Variants in CCDC102B observed in about 807,000 individuals in gnomAD.
The protein encoded by CCDC102B is coiled-coil domain-containing protein 102B.
In CCDC102B, 75 loss-of-function variants were observed where a neutral mutation model predicts 57.4. The observed-to-expected ratio is 1.31, with a 90% CI of 1.08 to 1.58. The LOEUF (loss-of-function observed/expected upper bound fraction) is 1.58, where lower values mean the gene tolerates loss of function less well. Among genes scored for constraint, CCDC102B ranks in the 40% most tolerant of loss-of-function variants. The probability of loss-of-function intolerance (pLI) is 0.00; values close to 1 mark genes in which losing one functional copy is unlikely to be tolerated. For synonymous variants in CCDC102B, 206 were observed against 201.9 expected (o/e 1.02, Z -0.17); for missense variants, 636 against 582.6 (o/e 1.09, Z -0.94).
intron 3 of CCDC102B, among the ~76,000 whole-genome samples, chr18:68,840,997 C>A (rs2037602909): frequency 2.0e-5 from 3 of 152,154 alleles, no homozygotes; most frequent in Admixed American, 2.0e-4. Context: ...TTCCTACTCT[C>A]CTCTTTTAAG....
intron 2 of CCDC102B, among the ~76,000 whole-genome samples, chr18:68,728,489 A>G (rs1332224782): frequency 6.6e-6 from 1 of 152,188 alleles, no homozygotes; most frequent in Admixed American, 6.5e-5. Flanking sequence ...GTCAAGGTGA[A>G]GCTTTCAGAC....
intron 6 of CCDC102B, among the ~76,000 whole-genome samples, chr18:68,963,796 T>C (rs1029975248): frequency 1.8e-4 from 28 of 151,912 alleles, no homozygotes; most frequent in African/African-American, 6.8e-4. Flanking sequence ...ACTATGTATA[T>C]GTGTATATAT....
At chr18:68,771,914 T>C (rs959106463) in intron 2 of CCDC102B, among the ~76,000 whole-genome samples, 1 of 130,086 alleles carries the variant, frequency 7.7e-6, no homozygotes, top group East Asian at 2.2e-4. Context: ...ACACATCTTC[T>C]GGAAATAAAG....
intron 1 of CCDC102B, among the ~76,000 whole-genome samples, chr18:68,832,511 G>C (rs1389237656): frequency 6.6e-6 from 1 of 152,054 alleles, no homozygotes; most frequent in Admixed American, 6.6e-5. Context: ...GTTGTGCTGT[G>C]TTTTGTTTTG....
chr18:68,793,235 T>G (rs1401000123), upstream of CCDC102B, among the ~76,000 whole-genome samples: 1 of 152,172 alleles, frequency 6.6e-6, no homozygotes, highest in Admixed American at 6.5e-5. Context: ...CATTGTAACA[T>G]GTTGTTTTAG....
Position 69,035,015 on chromosome 18 carries a change from A to G in CCDC102B, c.1435-19015A>G, listed in dbSNP as rs530016930. Among the ~76,000 whole-genome samples the G allele has an allele frequency of 3.4e-3, 514 of 152,096 alleles. 4 individuals are homozygous for G. The highest frequency in any genetic ancestry group is 0.011 in the African/African-American group (472 of 41,552). On this transcript the variant is annotated intron_variant, in intron 7 of 7. Coordinates refer to ENST00000360242, the MANE Select transcript of CCDC102B (RefSeq NM_024781.3). ...GTGTCATTCCATATAGAATTACTCAATTATACTAATTTATTTATAAGCAAG... is the reference window on the plus strand; with the variant it reads ...GTGTCATTCCATATAGAATTACTCAGTTATACTAATTTATTTATAAGCAAG...
At chr18:68,996,808 G>A (rs577382708) in intron 6 of CCDC102B, among the ~76,000 whole-genome samples, 2 of 152,190 alleles carry the variant, frequency 1.3e-5, no homozygotes, top group South Asian at 4.1e-4. Context: ...GGGGAAGCTT[G>A]GGAAGGCATG....
chr18:69,003,500 G>C (rs2051260281), intron 6 of CCDC102B, among the ~76,000 whole-genome samples: 1 of 152,166 alleles, frequency 6.6e-6, no homozygotes, highest in African/African-American at 2.4e-5. Flanking sequence ...GCAAAGGACA[G>C]AGGGCACATA....
At chr18:69,017,170 C>T (rs926240062) in intron 7 of CCDC102B, among the ~76,000 whole-genome samples, 2 of 152,110 alleles carry the variant, frequency 1.3e-5, no homozygotes, top group African/African-American at 4.8e-5. Flanking sequence ...AGCTGGAGTG[C>T]AGTGGGGCGG....
intron 2 of CCDC102B, among the ~76,000 whole-genome samples, chr18:68,736,953 G>A (rs1321107278): frequency 6.6e-6 from 1 of 151,990 alleles, no homozygotes; most frequent in Non-Finnish European, 1.5e-5. Flanking sequence ...CTCGACAGGT[G>A]TGTGTGGCGA....
At chr18:68,815,877 G>T (rs1028323369) in intron 1 of CCDC102B, among the ~76,000 whole-genome samples, 5 of 152,072 alleles carry the variant, frequency 3.3e-5, no homozygotes, top group African/African-American at 1.2e-4. Flanking sequence ...ATTCCATTTG[G>T]AGAGCAAACA....
At chr18:68,958,960 T>A (rs1013883998) in intron 6 of CCDC102B, among the ~76,000 whole-genome samples, 1 of 152,218 alleles carries the variant, frequency 6.6e-6, no homozygotes, top group Non-Finnish European at 1.5e-5. Context: ...TTGAATTCTC[T>A]TTCCAAGAGG....
At chr18:68,857,264 T>TTTATATATTTTATATATTATATAA (rs1568292605) in intron 4 of CCDC102B, among the ~76,000 whole-genome samples, 2 of 24,980 alleles carry the variant, frequency 8.0e-5, no homozygotes, top group Non-Finnish European at 1.3e-4. Flanking sequence ...TTTAAATATA[T>TTTATATATTTTATATATTATATAA]AAATATATAT....
At chr18:69,046,266 T>C (rs1568147692) in intron 7 of CCDC102B, among the ~76,000 whole-genome samples, 1 of 152,148 alleles carries the variant, frequency 6.6e-6, no homozygotes, top group Non-Finnish European at 1.5e-5. Context: ...GCATCTATTA[T>C]TTTTTGACTC....
rs965676087 is a variant in CCDC102B, at chr18:68,772,567, G to A, written c.-66-50799G>A. The stretch of plus-strand genomic sequence containing the variant: ...GGCAAAATCTGGACTCTTAAGAAAC[G>A]AGAGAATTCTAGTTCTTTTGTAAAA... On this transcript the variant is annotated intron_variant, in intron 2 of 3. Transcript: ENST00000578970. 3.9e-5 allele frequency among the ~76,000 whole-genome samples: 6 copies of A among 152,072 alleles called. No individual in the cohort carries two copies. The East Asian group carries it at 5.8e-4, about 15-fold the overall frequency.
intron 6 of CCDC102B, among the ~76,000 whole-genome samples, chr18:68,914,968 C>CT: frequency 3.6e-5 from 2 of 55,248 alleles, no homozygotes; most frequent in Admixed American, 2.5e-4. Flanking sequence ...TTAGGCACTA[C>CT]TGGGGGGAGA....
intron 2 of CCDC102B, among the ~76,000 whole-genome samples, chr18:68,787,437 G>A (rs1184974184): frequency 2.0e-5 from 3 of 150,586 alleles, no homozygotes; most frequent in Non-Finnish European, 4.4e-5. Flanking sequence ...GGTAGAATTC[G>A]GCTGTGAATC....
intron 2 of CCDC102B, among the ~76,000 whole-genome samples, chr18:68,789,021 C>T (rs2035324287): frequency 6.6e-6 from 1 of 152,066 alleles, no homozygotes; most frequent in African/African-American, 2.4e-5. Context: ...TTAGGGCAGG[C>T]CTGGTGTTGA....
chr18:68,914,668 C>T (rs780068625), intron 6 of CCDC102B, among the ~76,000 whole-genome samples: 1 of 152,156 alleles, frequency 6.6e-6, no homozygotes, highest in Non-Finnish European at 1.5e-5. Flanking sequence ...TATCTCCGAC[C>T]TCACTGATTC....
Sources: allele counts gnomAD v4.1 joint callset (sites outside exome capture counted in the v4.1 genomes callset), GRCh38; gene constraint gnomAD v4.1.1; transcripts MANE v1.5; gene names NCBI Gene and HGNC (gene_info 2026-07-23, HGNC 2026-07-21).